EMC8: variants seen among roughly 807,000 people sequenced by gnomAD.
EMC8 encodes the protein ER membrane protein complex subunit 8.
Under a neutral mutation model 24.3 loss-of-function variants are expected in EMC8, and 11 were observed. The ratio of observed to expected loss-of-function variants is 0.45; its 90% CI spans 0.28 to 0.75. EMC8 has a LOEUF of 0.75. Ranked by LOEUF, EMC8 falls within the 30% of genes least tolerant of loss-of-function variation. The pLI, the probability that EMC8 is intolerant of heterozygous loss-of-function variation, is 0.12. For missense variants in EMC8, 277 were observed against 282.7 expected (o/e 0.98, Z 0.14); for synonymous variants, 145 against 117.7 (o/e 1.23, Z -1.50).
intron 1 of EMC8, among the ~76,000 whole-genome samples, chr16:85,795,875 G>T (rs1484109106): frequency 6.6e-6 from 1 of 152,144 alleles, no homozygotes; most frequent in African/African-American, 2.4e-5. Context: ...ACTATCTCCA[G>T]GTAGGCAGTG....
chr16:85,796,824 G>A (rs1307099045), intron 1 of EMC8, among the ~76,000 whole-genome samples: 1 of 152,178 alleles, frequency 6.6e-6, no homozygotes, highest in African/African-American at 2.4e-5. Context: ...GATTGCCCAA[G>A]CCTAGGCTGG....
At chr16:85,781,551 C>T in intron 2 of EMC8, 1 of 368,302 alleles carries the variant, frequency 2.7e-6, no homozygotes, top group Non-Finnish European at 5.0e-6. Context: ...CCTCTGCCTC[C>T]TGAGTAGCTG....
chr16:85,791,478 G>A (rs1905010047), intron 1 of EMC8, among the ~76,000 whole-genome samples: 1 of 152,080 alleles, frequency 6.6e-6, no homozygotes, highest in Admixed American at 6.5e-5. Context: ...TCGCTCCCCG[G>A]CTCTGACAGG....
chr16:85,782,589 C>T (rs1392047887), intron 2 of EMC8, among the ~76,000 whole-genome samples: 1 of 152,164 alleles, frequency 6.6e-6, no homozygotes, highest in African/African-American at 2.4e-5. Context: ...TGTCCAGCTT[C>T]CCTCCTCCCT....
chr16:85,792,952 TGTA>T (rs1567832849), intron 1 of EMC8: 2 of 152,224 alleles, frequency 1.3e-5, no homozygotes, highest in African/African-American at 4.8e-5. Context: ...CTGTTGTCAA[TGTA>T]GTCAAACTGA....
In EMC8 at chr16:85,779,557, C is replaced by A. The variant is rs1039194116; in HGVS notation, c.*151G>T. The A allele has an allele frequency of 2.7e-6, 2 of 733,116 alleles. No homozygotes were observed. Among genetic ancestry groups the A allele is most frequent in the Non-Finnish European group, 4.5e-6 (2 of 441,230 alleles). 45.4% of individuals were successfully genotyped at this position (733,116 alleles called of 1,614,324 possible). On this transcript the variant is annotated 3_prime_UTR_variant, in exon 5 of 5. Transcript: ENST00000253457. ...GACTCTGTGTTAAAAACACGACCGA[C>A]TGAACATTCTGCCCCCTTTCAAGGC...
intron 1 of EMC8, among the ~76,000 whole-genome samples, chr16:85,791,239 T>G (rs561637052): frequency 1.3e-5 from 2 of 152,352 alleles, no homozygotes; most frequent in South Asian, 4.1e-4. Context: ...TTTTGGATTT[T>G]CTAACTTCAA....
chr16:85,795,549 A>C (rs1274064232), intron 1 of EMC8, among the ~76,000 whole-genome samples: 1 of 152,082 alleles, frequency 6.6e-6, no homozygotes, highest in Non-Finnish European at 1.5e-5. Context: ...GGGTCTTAAG[A>C]CCTCCAGGAG....
chr16:85,792,573 G>A (rs556023902), intron 1 of EMC8: 7 of 152,402 alleles, frequency 4.6e-5, no homozygotes, highest in Admixed American at 2.0e-4. Context: ...GTGACAGTCC[G>A]GAATCTGGAA....
At chr16:85,786,664 G>C (rs1034855864) in intron 2 of EMC8, among the ~76,000 whole-genome samples, 1 of 152,140 alleles carries the variant, frequency 6.6e-6, no homozygotes, top group African/African-American at 2.4e-5. Context: ...GCATTTAAAA[G>C]TCAGTATTAA....
rs1375325387 is a variant in EMC8 at position 85,780,660 on chromosome 16, A to C, written c.379-187T>G. 6.8e-6 allele frequency: 4 copies of C among 589,670 alleles called. No individual in the cohort carries two copies. The African/African-American group carries it at 7.4e-5, about 11-fold the overall frequency. The allele number at this position is 589,670 out of a possible 1,614,324, so 36.5% of individuals were successfully genotyped here. A position where few individuals can be genotyped will look rare whatever the true frequency, so the allele number is the denominator to read the frequency against. On this transcript the variant is annotated intron_variant, in intron 3 of 4. Coordinates refer to ENST00000253457, the MANE Select transcript of EMC8 (RefSeq NM_006067.5). The stretch of plus-strand genomic sequence containing the variant: ...GAAAACTGTTGTGTCATGCAGGAAA[A>C]CGTCAAGTCCTTCATTGTTTTTTCA...
chr16:85,781,280 A>C lies in EMC8; in HGVS notation c.309T>G (p.Ser103Arg). The C allele has an allele frequency of 6.7e-7, 1 of 1,481,992 alleles. No individual in the cohort carries two copies. Among genetic ancestry groups the C allele is most frequent in the Non-Finnish European group, 8.9e-7 (1 of 1,121,494 alleles). 91.8% of individuals were successfully genotyped at this position (1,481,992 alleles called of 1,614,324 possible). ...CCACCTTCTCTGCAACCTGGTTTGGACTGTCAAAGAAATAGGCTACCACAT... is the reference window on the plus strand; with the variant it reads ...CCACCTTCTCTGCAACCTGGTTTGGCCTGTCAAAGAAATAGGCTACCACAT... ...YQANERVKDASPNQVAEKVAS... is the reference protein window; with the variant it reads ...YQANERVKDARPNQVAEKVAS... The change falls in exon 3 of 5, where the codon AGT becomes AGG. Residue 103 changes from serine to arginine, a missense_variant and splice_region_variant. Physicochemically the swap from Ser to Arg is moderately radical, Grantham distance 110. Coordinates refer to ENST00000253457, the MANE Select transcript of EMC8 (RefSeq NM_006067.5).
chr16:85,791,426 C>A (rs1237427931), intron 1 of EMC8, among the ~76,000 whole-genome samples: 1 of 152,134 alleles, frequency 6.6e-6, no homozygotes, highest in Non-Finnish European at 1.5e-5. Context: ...AGGTTTTAAG[C>A]CCCGCATGCA....
rs1597199150 is a variant in EMC8, at chr16:85,781,479, G to A, written c.309-199C>T. 2.9e-5 allele frequency: 16 copies of A among 545,854 alleles called. No individual in the cohort carries two copies. In the East Asian group the frequency reaches 4.8e-4, roughly 16 times the overall value. 33.8% of individuals were successfully genotyped at this position (545,854 alleles called of 1,614,324 possible). A position where few individuals can be genotyped will look rare whatever the true frequency, so the allele number is the denominator to read the frequency against. On this transcript the variant is annotated intron_variant, in intron 2 of 4. Coordinates refer to ENST00000253457, the MANE Select transcript of EMC8 (RefSeq NM_006067.5). Reference sequence around the variant, plus strand: ...AGGGTCTTGCTCTGCTGCCCTAGCTGGAGTGTAGTGACGCAATCATAGCCC... The same window carrying A: ...AGGGTCTTGCTCTGCTGCCCTAGCTAGAGTGTAGTGACGCAATCATAGCCC...
At position 85,794,494 on chromosome 16, in the gene EMC8, G is replaced by A. The variant is rs143649685; in HGVS notation, c.231+4571C>T. ...GCCTGAGCTCAGGAGATCGAGACCC[G>A]CCTGGGTGACACGGTGAAACCTTGT... On this transcript the variant is annotated intron_variant, in intron 1 of 4. Transcript: ENST00000253457. Among the ~76,000 whole-genome samples, 37 of 152,216 alleles carry A rather than the reference G, an allele frequency of 2.4e-4. 1 individual carries two copies. Among genetic ancestry groups the A allele is most frequent in the Admixed American group, 1.7e-3 (26 of 15,292 alleles).
At position 85,799,214 on chromosome 16, in the gene EMC8, C is replaced by T; in HGVS notation, c.82G>A (p.Gly28Arg). Residue 28 changes from glycine to arginine, a missense_variant, in exon 1 of 5, where the codon GGG becomes AGG. By Grantham distance (125) the Gly-to-Arg change is moderately radical. Transcript: ENST00000253457. The surrounding 1 kb of genome is among the most constrained non-coding windows in gnomAD (Gnocchi z 4.2). Reference sequence around the variant, plus strand: ...TTCTGCTTCTCGGCCACCAGGAGCCCGTTGACGGCGCAGTGCGGGTACTTG... The same window carrying T: ...TTCTGCTTCTCGGCCACCAGGAGCCTGTTGACGGCGCAGTGCGGGTACTTG... ...GAKYPHCAVN[G>R]LLVAEKQKPR... 1 of 1,613,428 alleles carries T rather than the reference C, an allele frequency of 6.2e-7. No homozygotes were observed. The highest frequency in any genetic ancestry group is 8.5e-7 in the Non-Finnish European group (1 of 1,179,868).
chr16:85,786,093 T>C (rs1346088724), intron 2 of EMC8, among the ~76,000 whole-genome samples: 1 of 152,156 alleles, frequency 6.6e-6, no homozygotes, highest in Non-Finnish European at 1.5e-5. Context: ...GCCACTACTG[T>C]AAACCAAGCA....
chr16:85,796,962 C>G (rs996882844), intron 1 of EMC8, among the ~76,000 whole-genome samples: 1 of 152,212 alleles, frequency 6.6e-6, no homozygotes, highest in African/African-American at 2.4e-5. Context: ...CAGCCATATC[C>G]CTCCTCAGCA....
intron 1 of EMC8, among the ~76,000 whole-genome samples, chr16:85,797,568 G>C (rs1286544957): frequency 6.6e-6 from 1 of 152,176 alleles, no homozygotes; most frequent in Non-Finnish European, 1.5e-5. Context: ...ACCCGGAAAT[G>C]ATATGAAGTT....
Sources: allele counts gnomAD v4.1 joint callset (sites outside exome capture counted in the v4.1 genomes callset), GRCh38; gene constraint gnomAD v4.1.1; non-coding constraint Gnocchi (gnomAD v3.1); transcripts MANE v1.5; gene names NCBI Gene and HGNC (gene_info 2026-07-23, HGNC 2026-07-21).